The following SYN3 variants were observed in gnomAD, a reference collection of about 807,000 sequenced individuals.
SYN3 encodes synapsin III, also known as synapsin-3.
SYN3 carries 35 observed loss-of-function variants against 65.8 expected under a neutral mutation model. That is an observed-to-expected ratio of 0.53 (90% CI 0.41 to 0.70). The LOEUF is 0.70. SYN3 is among the 30% of genes least tolerant of loss of function. The pLI is 0.00. For synonymous variants in SYN3, 270 were observed against 292.9 expected (o/e 0.92, Z 0.80); for missense variants, 680 against 749.0 (o/e 0.91, Z 1.08).
At chr22:32,870,329 G>T (rs879560995) in intron 4 of SYN3, among the ~76,000 whole-genome samples, 1 of 135,136 alleles carries the variant, frequency 7.4e-6, no homozygotes, top group Admixed American at 7.3e-5. Context: ...ACTTTCTTTT[G>T]ATTTTAATGT....
chr22:32,710,771 C>T (rs13054529), intron 6 of SYN3, among the ~76,000 whole-genome samples: 29,508 of 151,836 alleles, frequency 0.19, 4,454 homozygotes, highest in East Asian at 0.59. Context: ...TGAGGCCTTC[C>T]GAGAAACCAA....
chr22:32,859,386 C>T (rs947571728), intron 6 of SYN3: 2 of 1,605,556 alleles, frequency 1.2e-6, no homozygotes, highest in African/African-American at 2.7e-5. Flanking sequence ...GAGCGCCAGA[C>T]CCTGCCCCAC....
intron 6 of SYN3, among the ~76,000 whole-genome samples, chr22:32,737,065 G>A (rs1336306418): frequency 6.6e-6 from 1 of 152,202 alleles, no homozygotes; most frequent in Non-Finnish European, 1.5e-5. Flanking sequence ...TTTTGTGTGT[G>A]CTAAGTTCAA....
At chr22:32,642,928 T>G (rs1484129179) in intron 6 of SYN3, among the ~76,000 whole-genome samples, 1 of 152,218 alleles carries the variant, frequency 6.6e-6, no homozygotes. Flanking sequence ...TGATGAGTTA[T>G]TTGTTTTTTA....
At chr22:32,536,857 G>A (rs1327452521) in intron 9 of SYN3, among the ~76,000 whole-genome samples, 6 of 152,160 alleles carry the variant, frequency 3.9e-5, no homozygotes, top group Admixed American at 2.6e-4. Flanking sequence ...ATCTGGAGTC[G>A]TCAGTGACAT....
At chr22:32,724,709 A>G (rs73156429) in intron 6 of SYN3, among the ~76,000 whole-genome samples, 2,955 of 152,244 alleles carry the variant, frequency 0.019, 77 homozygotes, top group African/African-American at 0.061. Flanking sequence ...GGGGACAGAG[A>G]GAGTAAATTT....
chr22:32,760,695 T>C (rs1432376644), intron 6 of SYN3, among the ~76,000 whole-genome samples: 1 of 152,042 alleles, frequency 6.6e-6, no homozygotes, highest in African/African-American at 2.4e-5. Flanking sequence ...CCTCTGTCCT[T>C]CCCCACTGGT....
chr22:32,772,240 GTTC>G (rs1342321381), intron 6 of SYN3, among the ~76,000 whole-genome samples: 6 of 150,608 alleles, frequency 4.0e-5, no homozygotes, highest in Admixed American at 4.0e-4. Context: ...GTGTTGTTTT[GTTC>G]TTCTTCTTTC....
intron 6 of SYN3, among the ~76,000 whole-genome samples, chr22:32,823,677 AAGAAGC>A: frequency 6.6e-6 from 1 of 152,148 alleles, no homozygotes; most frequent in Non-Finnish European, 1.5e-5. Context: ...CTGAGGCAGG[AAGAAGC>A]TTGGTGGGCT....
At chr22:32,900,560 T>G (rs2049729685) in intron 4 of SYN3, among the ~76,000 whole-genome samples, 1 of 152,352 alleles carries the variant, frequency 6.6e-6, no homozygotes, top group East Asian at 1.9e-4. Flanking sequence ...CATCCTTTTT[T>G]GACCAACTAG....
At chr22:32,848,511 G>T (rs2048131762) in intron 6 of SYN3, among the ~76,000 whole-genome samples, 1 of 152,136 alleles carries the variant, frequency 6.6e-6, no homozygotes, top group Non-Finnish European at 1.5e-5. Flanking sequence ...AATGTACATG[G>T]CACATAGTAG....
chr22:32,973,882 G>A (rs911415009), intron 3 of SYN3, among the ~76,000 whole-genome samples: 2 of 152,188 alleles, frequency 1.3e-5, no homozygotes, highest in African/African-American at 4.8e-5. Context: ...TCTGCCTCCT[G>A]GGTTCAAGCG....
intron 3 of SYN3, among the ~76,000 whole-genome samples, chr22:32,974,408 T>C (rs1284045843): frequency 6.6e-6 from 1 of 152,236 alleles, no homozygotes; most frequent in Middle Eastern, 3.2e-3. Flanking sequence ...AAATGGTAAC[T>C]TACTTTATCA....
intron 6 of SYN3, among the ~76,000 whole-genome samples, chr22:32,646,216 C>G (rs180804585): frequency 6.6e-6 from 1 of 152,282 alleles, no homozygotes; most frequent in African/African-American, 2.4e-5. Context: ...GGACCATCAG[C>G]TGAGCACCTA....
In SYN3 at chr22:32,533,165, C is replaced by T. The variant is rs565534362; in HGVS notation, c.1095+628G>A. Among the ~76,000 whole-genome samples the T allele has an allele frequency of 3.7e-4, 56 of 151,920 alleles. No individual in the cohort carries two copies. The South Asian group carries it at 8.5e-3, about 23-fold the overall frequency. ...TGCTGGAGGGTCTTGAGAGAGATTC[C>T]GGGACCCACAGCCCCTCTGTGAGCC... On this transcript the variant is annotated intron_variant, in intron 10 of 13. Transcript: ENST00000358763.
chr22:32,657,313 C>G (rs1273595309), intron 6 of SYN3, among the ~76,000 whole-genome samples: 1 of 152,050 alleles, frequency 6.6e-6, no homozygotes, highest in African/African-American at 2.4e-5. Flanking sequence ...TTAGTAGAGA[C>G]GGGGTTTCAC....
At chr22:32,861,083 T>A (rs1157073673) in intron 6 of SYN3, 1 of 152,346 alleles carries the variant, frequency 6.6e-6, no homozygotes, top group Non-Finnish European at 1.5e-5. Flanking sequence ...CTCTGTCTCT[T>A]TTTTCAGCTT....
At chr22:32,953,456 A>G (rs998728123) in intron 3 of SYN3, among the ~76,000 whole-genome samples, 5 of 151,984 alleles carry the variant, frequency 3.3e-5, no homozygotes, top group East Asian at 1.9e-4. Flanking sequence ...TGTGTTAAAT[A>G]AAGGGGTCAG....
At chr22:32,957,579 T>C (rs182369452) in intron 3 of SYN3, among the ~76,000 whole-genome samples, 1 of 152,298 alleles carries the variant, frequency 6.6e-6, no homozygotes, top group Non-Finnish European at 1.5e-5. Context: ...GCACAGCTTA[T>C]GTGTTTATTT....
Sources: allele counts gnomAD v4.1 joint callset (sites outside exome capture counted in the v4.1 genomes callset), GRCh38; gene constraint gnomAD v4.1.1; transcripts MANE v1.5; gene names NCBI Gene and HGNC (gene_info 2026-07-23, HGNC 2026-07-21).